NEGR1: variants seen among roughly 807,000 people sequenced by gnomAD.
NEGR1 encodes the protein IgLON family member 4.
NEGR1 carries 10 observed loss-of-function variants against 40.9 expected under a neutral mutation model. The observed-to-expected ratio is 0.24, with a 90% confidence interval of 0.15 to 0.42. The LOEUF (loss-of-function observed/expected upper bound fraction) is 0.42, where lower values mean the gene tolerates loss of function less well. NEGR1 is among the 10% of genes least tolerant of loss of function. NEGR1 has a pLI of 1.00. For missense variants in NEGR1, 352 were observed against 438.9 expected, an observed-to-expected ratio of 0.80 and a Z score of 1.77; for synonymous variants, 185 against 166.8, an observed-to-expected ratio of 1.11 and a Z score of -0.84.
chr1:71,685,467 C>T (rs1653000965), intron 4 of NEGR1, among the ~76,000 whole-genome samples: 2 of 152,050 alleles, frequency 1.3e-5, no homozygotes, highest in South Asian at 2.1e-4. Flanking sequence ...GGATTACAGG[C>T]ATGCACCACC....
At chr1:71,770,018 T>G (rs1424022697) in intron 3 of NEGR1, among the ~76,000 whole-genome samples, 5 of 152,210 alleles carry the variant, frequency 3.3e-5, no homozygotes, top group Non-Finnish European at 7.3e-5. Flanking sequence ...CAAACTCGAC[T>G]GAAATCAAAA....
intron 6 of NEGR1, among the ~76,000 whole-genome samples, chr1:71,463,009 G>GC (rs1243667541): frequency 6.6e-6 from 1 of 152,106 alleles, no homozygotes; most frequent in African/African-American, 2.4e-5. Flanking sequence ...ACTGGATCAT[G>GC]CATTTACTCA....
At chr1:72,006,774 G>A (rs1646611037) in intron 1 of NEGR1, among the ~76,000 whole-genome samples, 1 of 152,028 alleles carries the variant, frequency 6.6e-6, no homozygotes, top group African/African-American at 2.4e-5. Flanking sequence ...TGGGGGGGGC[G>A]GGAAGCATCT....
chr1:71,898,659 TTG>T (rs200518729), intron 2 of NEGR1, among the ~76,000 whole-genome samples: 25 of 132,306 alleles, frequency 1.9e-4, no homozygotes, highest in Admixed American at 3.7e-4. Flanking sequence ...AAAAACTGCT[TTG>T]TTTTTTTTTC....
chr1:71,511,251 G>T (rs1271969888), intron 6 of NEGR1, among the ~76,000 whole-genome samples: 1 of 152,188 alleles, frequency 6.6e-6, no homozygotes, highest in Non-Finnish European at 1.5e-5. Context: ...TAAGTTTTGA[G>T]AATCCTGAAT....
At chr1:71,703,921 C>T (rs899395506) in intron 3 of NEGR1, among the ~76,000 whole-genome samples, 1 of 151,028 alleles carries the variant, frequency 6.6e-6, no homozygotes, top group African/African-American at 2.4e-5. Context: ...TTGATGCATA[C>T]AATAAAAAAG....
chr1:71,510,663 G>A (rs1647066703), intron 6 of NEGR1, among the ~76,000 whole-genome samples: 1 of 152,174 alleles, frequency 6.6e-6, no homozygotes, highest in South Asian at 2.1e-4. Flanking sequence ...CAGGAAGATT[G>A]TAACCACATA....
intron 2 of NEGR1, among the ~76,000 whole-genome samples, chr1:71,810,363 T>C (rs564738121): frequency 3.3e-5 from 5 of 152,132 alleles, no homozygotes; most frequent in African/African-American, 4.8e-5. Context: ...CCTTCCAGGA[T>C]CTGCAGTATT....
chr1:71,617,724 C>G (rs941729720), intron 4 of NEGR1, among the ~76,000 whole-genome samples: 3 of 152,124 alleles, frequency 2.0e-5, no homozygotes, highest in Non-Finnish European at 4.4e-5. Flanking sequence ...TTAAAATTAC[C>G]AACCAGGTTA....
At chr1:72,166,118 C>T (rs762546832) in intron 1 of NEGR1, among the ~76,000 whole-genome samples, 1 of 151,960 alleles carries the variant, frequency 6.6e-6, no homozygotes, top group Non-Finnish European at 1.5e-5. Context: ...CAAGAAATCT[C>T]AAAATATATA....
chr1:71,982,818 A>G (rs1382069826), intron 1 of NEGR1, among the ~76,000 whole-genome samples: 1 of 152,160 alleles, frequency 6.6e-6, no homozygotes. Context: ...AATGAAATAT[A>G]ATTTATAAAA....
intron 1 of NEGR1, among the ~76,000 whole-genome samples, chr1:72,269,153 T>C (rs1428205787): frequency 6.6e-6 from 1 of 151,778 alleles, no homozygotes; most frequent in Admixed American, 6.6e-5. Flanking sequence ...ATATCTAATA[T>C]GTTTGATTTT....
chr1:71,407,239 A>G lies in NEGR1; in HGVS notation c.*207T>C, dbSNP rs2101256811. 4.8e-6 allele frequency: 2 copies of G among 419,888 alleles called. No individual in the cohort carries two copies. Among genetic ancestry groups the G allele is most frequent in the Non-Finnish European group, 4.3e-6 (1 of 230,762 alleles). 26.0% of individuals were successfully genotyped at this position (419,888 alleles called of 1,614,324 possible). ...GCTTTCACGTCTTAAAAAAAGGACAATGTGTACTGCTTCACAAGGTAATGT... is the reference window on the plus strand; with the variant it reads ...GCTTTCACGTCTTAAAAAAAGGACAGTGTGTACTGCTTCACAAGGTAATGT... On this transcript the variant is annotated 3_prime_UTR_variant, in exon 7 of 7. Coordinates refer to ENST00000357731, the MANE Select transcript of NEGR1 (RefSeq NM_173808.3).
chr1:72,082,413 T>C (rs1402264422), intron 1 of NEGR1, among the ~76,000 whole-genome samples: 1 of 152,162 alleles, frequency 6.6e-6, no homozygotes, highest in Non-Finnish European at 1.5e-5. Flanking sequence ...ACTTATGTAG[T>C]AGAGCTTACT....
chr1:72,143,914 A>AAT (rs61582804), intron 1 of NEGR1, among the ~76,000 whole-genome samples: 4,205 of 130,482 alleles, frequency 0.032, 71 homozygotes, highest in Admixed American at 0.052. Flanking sequence ...TGATATATAT[A>AAT]ATATATATAT....
intron 1 of NEGR1, among the ~76,000 whole-genome samples, chr1:72,099,377 T>A (rs1301241789): frequency 4.6e-5 from 7 of 152,004 alleles, no homozygotes; most frequent in Non-Finnish European, 7.4e-5. Flanking sequence ...CTTAAAAAAA[T>A]ATGTACTCTT....
At chr1:71,517,663 G>T (rs1361769731) in intron 6 of NEGR1, among the ~76,000 whole-genome samples, 1 of 139,916 alleles carries the variant, frequency 7.1e-6, no homozygotes, top group Non-Finnish European at 1.5e-5. Context: ...TTGAAAACTG[G>T]CACAAGACAA....
intron 1 of NEGR1, among the ~76,000 whole-genome samples, chr1:71,997,273 C>A (rs1286290079): frequency 1.3e-5 from 2 of 152,012 alleles, no homozygotes; most frequent in African/African-American, 4.8e-5. Context: ...CATGATTTCA[C>A]TTCCAATTTA....
At chr1:72,194,078 T>C (rs1225113426) in intron 1 of NEGR1, among the ~76,000 whole-genome samples, 1 of 151,932 alleles carries the variant, frequency 6.6e-6, no homozygotes, top group Non-Finnish European at 1.5e-5. Context: ...TTAAAGAGCA[T>C]ATAGTTGGCA....
Sources: gnomAD v4.1 joint callset for allele counts (sites outside exome capture counted in the v4.1 genomes callset) on GRCh38, gnomAD v4.1.1 for gene constraint, MANE v1.5 for transcripts, NCBI Gene and HGNC (gene_info 2026-07-23, HGNC 2026-07-21) for gene names.